Variants in GALNT17 observed in about 807,000 individuals in gnomAD.
GALNT17 encodes polypeptide N-acetylgalactosaminyltransferase 17.
GALNT17 carries 29 observed loss-of-function variants against 63.7 expected under a neutral mutation model. That is an observed-to-expected ratio of 0.46 (90% CI 0.34 to 0.62). The LOEUF (loss-of-function observed/expected upper bound fraction) is 0.62. GALNT17 is among the 20% of genes least tolerant of loss of function. The probability of loss-of-function intolerance (pLI) is 0.01; values close to 1 mark genes in which losing one functional copy is unlikely to be tolerated. For missense variants in GALNT17, 603 were observed against 799.6 expected (o/e 0.75, Z 2.97); for synonymous variants, 305 against 318.3 (o/e 0.96, Z 0.45).
chr7:71,553,128 C>T (rs1399106602), intron 5 of GALNT17, among the ~76,000 whole-genome samples: 2 of 151,970 alleles, frequency 1.3e-5, no homozygotes, highest in Non-Finnish European at 2.9e-5. Flanking sequence ...AGTCTGAGAC[C>T]ACCCTGGGCA....
At chr7:71,307,215 C>G (rs1376067956) in intron 1 of GALNT17, among the ~76,000 whole-genome samples, 1 of 152,146 alleles carries the variant, frequency 6.6e-6, no homozygotes, top group East Asian at 1.9e-4. Flanking sequence ...AACCGCCATA[C>G]TGTTTTCCAT....
chr7:71,142,175 G>A (rs1057493710), intron 1 of GALNT17, among the ~76,000 whole-genome samples: 3 of 152,116 alleles, frequency 2.0e-5, no homozygotes, highest in Non-Finnish European at 4.4e-5. Flanking sequence ...GGGCCCTCAG[G>A]AGATATTTCT....
At chr7:71,310,505 T>A (rs1487827965) in intron 1 of GALNT17, among the ~76,000 whole-genome samples, 3 of 152,186 alleles carry the variant, frequency 2.0e-5, no homozygotes, top group African/African-American at 4.8e-5. Flanking sequence ...TTTAAAGTAA[T>A]GGCAAAAACT....
intron 5 of GALNT17, among the ~76,000 whole-genome samples, chr7:71,569,421 C>A (rs1789401385): frequency 6.6e-6 from 1 of 152,096 alleles, no homozygotes; most frequent in African/African-American, 2.4e-5. Flanking sequence ...TCAACTCTCC[C>A]CTCTCCCTCC....
In GALNT17 at chr7:71,713,181, G is replaced by T. The variant is rs1043987; in HGVS notation, c.*1035G>T. On this transcript the variant is annotated 3_prime_UTR_variant, in exon 11 of 11. Coordinates refer to ENST00000333538, the MANE Select transcript of GALNT17 (RefSeq NM_022479.3). ...TATATGAACGCGTGTGCATGCACAA[G>T]TGTGTGTGTGCCTGCGTGCTGTGCG... is the stretch of plus-strand genomic sequence containing the variant. 0.078 allele frequency: 11,873 copies of T among 152,848 alleles called. 664 individuals carry two copies. Among genetic ancestry groups the T allele is most frequent in the East Asian group, 0.25 (1,292 of 5,166 alleles). 9.5% of individuals were successfully genotyped at this position (152,848 alleles called of 1,614,324 possible).
chr7:71,442,283 G>A (rs1690541641), intron 5 of GALNT17, among the ~76,000 whole-genome samples: 2 of 152,182 alleles, frequency 1.3e-5, no homozygotes, highest in South Asian at 4.1e-4. Context: ...TGCAAGCTCT[G>A]CCTGCCGGGT....
rs371372359 is a variant in GALNT17, at chr7:71,572,504, TAAAAAAA to T, written c.1080+1122_1080+1128del. ...GCAACAGAGCAAGACCCTGTCTCAT[TAAAAAAA>T]AAAAAAAAAAAAAAAAAAACTACAT... On this transcript the variant is annotated intron_variant, in intron 6 of 10. Transcript: ENST00000333538. 1.1e-3 allele frequency among the ~76,000 whole-genome samples: 48 copies of T among 44,494 alleles called. 2 individuals are homozygous for T. The South Asian group carries it at 0.037, about 35-fold the overall frequency. 29.2% of individuals were successfully genotyped at this position (44,494 alleles called of 152,430 possible).
At chr7:71,201,224 G>T (rs73700640) in intron 1 of GALNT17, among the ~76,000 whole-genome samples, 28,671 of 133,628 alleles carry the variant, frequency 0.21, 3,398 homozygotes, top group East Asian at 0.41. Context: ...TTTGTATGGG[G>T]GTGTGTGTGT....
intron 6 of GALNT17, 71 bp from the exon 7 acceptor site, chr7:71,665,340 T>G: frequency 1.3e-6 from 2 of 1,485,346 alleles, no homozygotes; most frequent in Non-Finnish European, 1.8e-6. Context: ...AACCATTGCT[T>G]TTGGGCTTGG....
rs534378427 is a variant in GALNT17, at chr7:71,600,079, G to A, written c.1080+28677G>A. On this transcript the variant is annotated intron_variant, in intron 6 of 10. Transcript: ENST00000333538. ...ATGGATTTAGAACATGACTTCCCAA[G>A]AGGGTAATACGCCCCCCACCTCAAG... Among the ~76,000 whole-genome samples, 11 of 151,948 alleles carry A rather than the reference G, an allele frequency of 7.2e-5. No homozygotes were observed. In the East Asian group the frequency reaches 2.0e-3, roughly 27 times the overall value.
intron 1 of GALNT17, among the ~76,000 whole-genome samples, chr7:71,251,477 A>G (rs897091141): frequency 3.9e-5 from 6 of 152,032 alleles, no homozygotes; most frequent in Admixed American, 3.9e-4. Flanking sequence ...TGGCACTATC[A>G]TAATTCATTG....
At chr7:71,624,098 C>T (rs1416436655) in intron 6 of GALNT17, among the ~76,000 whole-genome samples, 2 of 152,182 alleles carry the variant, frequency 1.3e-5, no homozygotes, top group Admixed American at 6.5e-5. Flanking sequence ...GGCTGTCCCA[C>T]TCTGTGCTTA....
intron 9 of GALNT17, among the ~76,000 whole-genome samples, chr7:71,681,359 T>C (rs1791259055): frequency 6.6e-6 from 1 of 152,208 alleles, no homozygotes; most frequent in African/African-American, 2.4e-5. Context: ...CAGCAGGGAC[T>C]AAGAAGCTAT....
intron 6 of GALNT17, among the ~76,000 whole-genome samples, chr7:71,583,374 C>A (rs550020331): frequency 6.6e-6 from 1 of 152,172 alleles, no homozygotes; most frequent in Non-Finnish European, 1.5e-5. Context: ...GATTACAGGC[C>A]TGAGCCACCA....
chr7:71,351,119 T>C (rs890456447), intron 2 of GALNT17, among the ~76,000 whole-genome samples: 1 of 151,576 alleles, frequency 6.6e-6, no homozygotes. Context: ...CAAGCCTGGG[T>C]GACAAGAGAG....
intron 1 of GALNT17, among the ~76,000 whole-genome samples, chr7:71,272,541 A>T (rs1471431255): frequency 6.8e-6 from 1 of 147,832 alleles, no homozygotes; most frequent in Admixed American, 6.7e-5. Flanking sequence ...TGTAGATGTC[A>T]TGCAGGCTTT....
At chr7:71,177,935 T>A (rs1263179573) in intron 1 of GALNT17, among the ~76,000 whole-genome samples, 1 of 152,170 alleles carries the variant, frequency 6.6e-6, no homozygotes, top group Non-Finnish European at 1.5e-5. Context: ...TAGGTAACCT[T>A]CTAAATGTGT....
intron 2 of GALNT17, among the ~76,000 whole-genome samples, chr7:71,358,535 T>C (rs1792335025): frequency 6.6e-6 from 1 of 152,230 alleles, no homozygotes; most frequent in African/African-American, 2.4e-5. Context: ...AGCAGCAGCT[T>C]CCCACTTTCT....
intron 6 of GALNT17, among the ~76,000 whole-genome samples, chr7:71,657,818 G>C (rs1414349103): frequency 6.6e-6 from 1 of 151,880 alleles, no homozygotes; most frequent in Non-Finnish European, 1.5e-5. Context: ...GGCTGGGGTG[G>C]GATCCAGGTG....
Sources: allele counts gnomAD v4.1 joint callset (sites outside exome capture counted in the v4.1 genomes callset), GRCh38; gene constraint gnomAD v4.1.1; transcripts MANE v1.5; gene names NCBI Gene and HGNC (gene_info 2026-07-23, HGNC 2026-07-21).